The following TRIM44 variants were observed in gnomAD, a reference collection of about 807,000 sequenced individuals.
TRIM44 encodes tripartite motif-containing protein 44.
In TRIM44, 13 loss-of-function variants were observed where a neutral mutation model predicts 37.4. That is an observed-to-expected ratio of 0.35 (90% confidence interval 0.23 to 0.55). The LOEUF (loss-of-function observed/expected upper bound fraction) is 0.55, where lower values mean the gene tolerates loss of function less well. Ranked by LOEUF, TRIM44 falls within the 20% of genes least tolerant of loss-of-function variation. The pLI, the probability that TRIM44 is intolerant of heterozygous loss-of-function variation, is 0.89. For missense variants in TRIM44, 426 were observed against 437.2 expected (o/e 0.97, Z 0.23); for synonymous variants, 175 against 157.2 (o/e 1.11, Z -0.85).
chr11:35,753,665 T>C (rs1453047143), intron 4 of TRIM44, among the ~76,000 whole-genome samples: 2 of 152,186 alleles, frequency 1.3e-5, no homozygotes, highest in Non-Finnish European at 2.9e-5. Flanking sequence ...CGAGTAACAC[T>C]GTTATTACTG....
rs1853549745 is a variant in TRIM44 at position 35,813,532 on chromosome 11, A to AG, written c.*7149dup. ...CTTTTAGAGGAAACAAGAAGGAAAA[A>AG]GGAGGACAGCAATAGAGAAAATGGA... On this transcript the variant is annotated 3_prime_UTR_variant, in exon 5 of 5. Transcript: ENST00000299413. 6.6e-6 allele frequency: 1 copy of AG among 152,194 alleles called. No homozygotes were observed. Among genetic ancestry groups the AG allele is most frequent in the South Asian group, 2.1e-4 (1 of 4,828 alleles). The allele number at this position is 152,194 out of a possible 1,614,324, so 9.4% of individuals were successfully genotyped here. A position where few individuals can be genotyped will look rare whatever the true frequency, so the allele number is the denominator to read the frequency against.
At chr11:35,755,031 G>T (rs563319432) in intron 4 of TRIM44, among the ~76,000 whole-genome samples, 29 of 152,270 alleles carry the variant, frequency 1.9e-4, no homozygotes, top group African/African-American at 6.5e-4. Context: ...GTAATGGGAT[G>T]GCTGGGTCAA....
At chr11:35,707,095 C>G (rs1259336448) in intron 2 of TRIM44, among the ~76,000 whole-genome samples, 5 of 152,176 alleles carry the variant, frequency 3.3e-5, no homozygotes. Flanking sequence ...GTACAAAAAT[C>G]ACACGCATTC....
At chr11:35,775,204 C>G (rs1565017579) in intron 4 of TRIM44, among the ~76,000 whole-genome samples, 1 of 152,112 alleles carries the variant, frequency 6.6e-6, no homozygotes. Flanking sequence ...AAGTTGGATT[C>G]CTAGGTATTT....
intron 3 of TRIM44, among the ~76,000 whole-genome samples, chr11:35,729,903 G>A (rs778164449): frequency 7.2e-5 from 11 of 152,204 alleles, no homozygotes; most frequent in Admixed American, 2.0e-4. Flanking sequence ...TTTGAACCCA[G>A]GAGGTTGAGG....
intron 4 of TRIM44, among the ~76,000 whole-genome samples, chr11:35,766,289 G>A (rs1277229229): frequency 1.3e-5 from 2 of 152,120 alleles, no homozygotes; most frequent in African/African-American, 2.4e-5. Flanking sequence ...AGTTAGGTGG[G>A]CATACCTAGT....
At chr11:35,665,730 G>C (rs1479034659) in intron 1 of TRIM44, among the ~76,000 whole-genome samples, 1 of 151,028 alleles carries the variant, frequency 6.6e-6, no homozygotes, top group African/African-American at 2.4e-5. Flanking sequence ...GAGTAGCTGG[G>C]ATTACAGGCA....
chr11:35,757,688 G>T (rs1193494367), intron 4 of TRIM44, among the ~76,000 whole-genome samples: 1 of 152,234 alleles, frequency 6.6e-6, no homozygotes, highest in African/African-American at 2.4e-5. Context: ...CAGAGATTCT[G>T]GTATGCTGTG....
At chr11:35,758,131 T>C (rs1003530221) in intron 4 of TRIM44, among the ~76,000 whole-genome samples, 12 of 152,272 alleles carry the variant, frequency 7.9e-5, no homozygotes, top group African/African-American at 2.6e-4. Flanking sequence ...TGTGTGGGAG[T>C]CTAAGTCTCT....
intron 4 of TRIM44, among the ~76,000 whole-genome samples, chr11:35,739,187 GTTCA>G (rs1458840376): frequency 2.6e-5 from 4 of 152,148 alleles, no homozygotes; most frequent in Non-Finnish European, 5.9e-5. Context: ...TTTATTGACA[GTTCA>G]TTATGTCCAA....
At chr11:35,788,392 A>G (rs906408481) in intron 4 of TRIM44, among the ~76,000 whole-genome samples, 51 of 152,156 alleles carry the variant, frequency 3.4e-4, no homozygotes, top group African/African-American at 1.2e-3. Flanking sequence ...TTGGTGTTGT[A>G]CTGTTCTTTA....
intron 4 of TRIM44, among the ~76,000 whole-genome samples, chr11:35,797,772 G>A (rs1853312345): frequency 6.6e-6 from 1 of 152,174 alleles, no homozygotes; most frequent in South Asian, 2.1e-4. Context: ...GAGCCGAGAG[G>A]AGCCTATGGA....
At chr11:35,723,882 C>T (rs1852137603) in intron 2 of TRIM44, among the ~76,000 whole-genome samples, 1 of 152,128 alleles carries the variant, frequency 6.6e-6, no homozygotes, top group Admixed American at 6.5e-5. Flanking sequence ...CAATTTATTT[C>T]AGGAGTAGAG....
intron 4 of TRIM44, among the ~76,000 whole-genome samples, chr11:35,747,872 G>C (rs184932483): frequency 4.0e-5 from 6 of 151,528 alleles, no homozygotes; most frequent in Non-Finnish European, 8.8e-5. Context: ...ATAATTAACT[G>C]GGGGGTACGG....
rs962164615 is a variant in TRIM44, at chr11:35,772,528, T to C, written c.1008-33830T>C. Among the ~76,000 whole-genome samples, 6 of 152,348 alleles carry C rather than the reference T, an allele frequency of 3.9e-5. No individual in the cohort carries two copies. The East Asian group carries it at 9.7e-4, about 25-fold the overall frequency. On this transcript the variant is annotated intron_variant, in intron 4 of 4. Coordinates refer to ENST00000299413, the MANE Select transcript of TRIM44 (RefSeq NM_017583.6). ...GCCCAAGACCATGGGAACCCACCTC[T>C]TGCATCAGCATGACCCAGATTTGAG...
At chr11:35,736,898 C>T (rs950613068) in intron 4 of TRIM44, among the ~76,000 whole-genome samples, 3 of 152,166 alleles carry the variant, frequency 2.0e-5, no homozygotes, top group Non-Finnish European at 4.4e-5. Flanking sequence ...TCGTGACCTA[C>T]TGTGTGTCTG....
intron 2 of TRIM44, among the ~76,000 whole-genome samples, chr11:35,705,411 C>T (rs202229267): frequency 6.6e-6 from 1 of 152,164 alleles, no homozygotes; most frequent in African/African-American, 2.4e-5. Context: ...ACCAAGTGGA[C>T]CTAATAGACA....
At position 35,816,294 on chromosome 11, in the gene TRIM44, A is replaced by G. The variant is rs1283136735; in HGVS notation, c.*9909A>G. On this transcript the variant is annotated 3_prime_UTR_variant, in exon 5 of 5. Transcript: ENST00000299413. ...CTGAGACTGTTTCACAGAAGAGAAAATAAATAAGGTGTGGTGCGTATCCAT... is the reference window on the plus strand; with the variant it reads ...CTGAGACTGTTTCACAGAAGAGAAAGTAAATAAGGTGTGGTGCGTATCCAT... 6.6e-6 allele frequency: 1 copy of G among 152,234 alleles called. No homozygotes were observed. The highest frequency in any genetic ancestry group is 6.5e-5 in the Admixed American group (1 of 15,286). 9.4% of individuals were successfully genotyped at this position (152,234 alleles called of 1,614,324 possible). A position where few individuals can be genotyped will look rare whatever the true frequency, so the allele number is the denominator to read the frequency against.
At chr11:35,689,658 T>C (rs1564952467) in intron 2 of TRIM44, among the ~76,000 whole-genome samples, 1 of 152,180 alleles carries the variant, frequency 6.6e-6, no homozygotes, top group African/African-American at 2.4e-5. Flanking sequence ...TGTGTGTCTG[T>C]ACTTGGATTT....
Sources: gnomAD v4.1 joint callset for allele counts (sites outside exome capture counted in the v4.1 genomes callset) on GRCh38, gnomAD v4.1.1 for gene constraint, MANE v1.5 for transcripts, NCBI Gene and HGNC (gene_info 2026-07-23, HGNC 2026-07-21) for gene names.